MALRD1: variants seen among roughly 807,000 people sequenced by gnomAD.
The protein encoded by MALRD1 is MAM and LDL-receptor class A domain-containing protein 1.
A neutral mutation model predicts 242.1 loss-of-function variants in MALRD1; 247 were observed. The observed-to-expected ratio is 1.02, with a 90% CI of 0.92 to 1.13. The LOEUF is 1.13. MALRD1 is among the 50% of genes most tolerant of loss of function. The probability of loss-of-function intolerance (pLI) is 0.00; values close to 1 mark genes in which losing one functional copy is unlikely to be tolerated. For synonymous variants in MALRD1, 995 were observed against 866.6 expected (o/e 1.15, Z -2.60); for missense variants, 2,989 against 2,533.1 (o/e 1.18, Z -3.86).
chr10:19,291,227 C>T (rs1441077134), intron 21 of MALRD1, among the ~76,000 whole-genome samples: 1 of 152,118 alleles, frequency 6.6e-6, no homozygotes, highest in African/African-American at 2.4e-5. Flanking sequence ...GAAATGATGT[C>T]TGGTAGAATA....
intron 34 of MALRD1, among the ~76,000 whole-genome samples, chr10:19,597,858 A>G (rs1157073069): frequency 6.6e-6 from 1 of 152,234 alleles, no homozygotes; most frequent in African/African-American, 2.4e-5. Flanking sequence ...CAAACTTGGA[A>G]AGACAAATAG....
At position 19,467,492 on chromosome 10, in the gene MALRD1, T is replaced by C. The variant is rs151194604; in HGVS notation, c.5029+17002T>C. ...TTACCCATATTCTCTCATTTAACCT[T>C]AATTATCTCTTTAAATGCCTTGTTT... On this transcript the variant is annotated intron_variant, in intron 29 of 39. Transcript: ENST00000454679. Among the ~76,000 whole-genome samples the C allele has an allele frequency of 1.2e-4, 18 of 151,378 alleles. No homozygotes were observed. The East Asian group carries it at 3.5e-3, about 30-fold the overall frequency.
intron 19 of MALRD1, among the ~76,000 whole-genome samples, chr10:19,265,220 T>G (rs956632410): frequency 6.6e-6 from 1 of 152,010 alleles, no homozygotes; most frequent in Non-Finnish European, 1.5e-5. Context: ...ATTGTAATTA[T>G]TTTTGCTCTA....
chr10:19,159,096 C>G (rs1047318404), intron 12 of MALRD1, among the ~76,000 whole-genome samples: 1 of 152,096 alleles, frequency 6.6e-6, no homozygotes, highest in African/African-American at 2.4e-5. Context: ...ATCATTTAAA[C>G]CGGAAAAACA....
At chr10:19,565,052 C>G (rs1420592656) in intron 32 of MALRD1, among the ~76,000 whole-genome samples, 3 of 152,044 alleles carry the variant, frequency 2.0e-5, no homozygotes, top group Non-Finnish European at 2.9e-5. Context: ...TAACATGTTA[C>G]TAATGAAATA....
intron 36 of MALRD1, among the ~76,000 whole-genome samples, chr10:19,688,731 C>T (rs111721506): frequency 2.6e-5 from 4 of 152,308 alleles, no homozygotes; most frequent in African/African-American, 7.2e-5. Flanking sequence ...GGTGGAACTT[C>T]AACACACCGT....
At chr10:19,239,338 A>G (rs528204129) in intron 18 of MALRD1, among the ~76,000 whole-genome samples, 7 of 152,146 alleles carry the variant, frequency 4.6e-5, no homozygotes, top group Admixed American at 4.6e-4. Context: ...CCATTTTTAA[A>G]TAAGTTATTT....
intron 2 of MALRD1, among the ~76,000 whole-genome samples, chr10:19,069,568 G>T (rs1438576215): frequency 6.6e-6 from 1 of 151,860 alleles, no homozygotes; most frequent in Non-Finnish European, 1.5e-5. Flanking sequence ...ATTTCTTGTA[G>T]TGCAGTTCTG....
At chr10:19,216,684 G>A (rs895348090) in intron 18 of MALRD1, among the ~76,000 whole-genome samples, 10 of 150,832 alleles carry the variant, frequency 6.6e-5, no homozygotes, top group Non-Finnish European at 1.0e-4. Flanking sequence ...GGTGGCTCAC[G>A]CCTGTAATCC....
chr10:19,565,611 A>G (rs548400166), intron 32 of MALRD1, among the ~76,000 whole-genome samples: 27 of 152,290 alleles, frequency 1.8e-4, no homozygotes, highest in African/African-American at 6.3e-4. Flanking sequence ...TTTTTAAGAA[A>G]TGGAAAAGTA....
intron 12 of MALRD1, among the ~76,000 whole-genome samples, chr10:19,160,872 G>T (rs1834364067): frequency 1.5e-5 from 2 of 136,164 alleles, no homozygotes; most frequent in Admixed American, 7.6e-5. Flanking sequence ...TATTAGTCTT[G>T]CTAGCGGTCT....
intron 24 of MALRD1, among the ~76,000 whole-genome samples, chr10:19,345,221 T>C (rs982063146): frequency 1.2e-5 from 1 of 84,788 alleles, no homozygotes; most frequent in African/African-American, 5.5e-5. Context: ...AAAAATATGA[T>C]TTACATTATA....
chr10:19,515,776 G>C (rs1361559627), intron 31 of MALRD1, among the ~76,000 whole-genome samples: 1 of 151,980 alleles, frequency 6.6e-6, no homozygotes, highest in Non-Finnish European at 1.5e-5. Flanking sequence ...CACCATGTTA[G>C]CCAGGATGGT....
chr10:19,515,652 C>T lies in MALRD1; in HGVS notation c.5321-15542C>T, dbSNP rs543033457. 2.2e-3 allele frequency among the ~76,000 whole-genome samples: 341 copies of T among 152,140 alleles called. 4 individuals are homozygous for T. Among genetic ancestry groups the T allele is most frequent in the African/African-American group, 7.7e-3 (318 of 41,492 alleles). On this transcript the variant is annotated intron_variant, in intron 31 of 39. Transcript: ENST00000454679. ...TTAGCTCACTGCAAGCTCTGCCTCC[C>T]GGGTTCACGCCATTCTCCTGCCTCA...
chr10:19,136,775 A>G lies in MALRD1; in HGVS notation c.1405A>G (p.Thr469Ala), dbSNP rs10826986. The change falls in exon 10 of 40, where the codon ACT (threonine) becomes GCT (alanine). Residue 469 changes from threonine (T) to alanine (A), a missense_variant. Coordinates refer to ENST00000454679, the MANE Select transcript of MALRD1 (RefSeq NM_001142308.3). ...CGATGAGAGTGATGAAGACCCAGCA[A>G]CTTGCTGTAAGTGAGTGAATGGCTT... ...CSDESDEDPA[T>A]CSKHLTCDFE... The G allele has an allele frequency of 0.1, 128,626 of 1,231,184 alleles. 7,104 individuals carry two copies. The highest frequency in any genetic ancestry group is 0.11 in the Non-Finnish European group (109,895 of 987,560). The allele number at this position is 1,231,184 out of a possible 1,614,324, so 76.3% of individuals were successfully genotyped here. A position where few individuals can be genotyped will look rare whatever the true frequency, so the allele number is the denominator to read the frequency against.
At chr10:19,294,940 T>C (rs569651333) in intron 21 of MALRD1, among the ~76,000 whole-genome samples, 3 of 152,256 alleles carry the variant, frequency 2.0e-5, no homozygotes, top group South Asian at 2.1e-4. Context: ...TGCATTTATA[T>C]TGACCATACT....
At chr10:19,312,043 T>C (rs1462296572) in intron 21 of MALRD1, among the ~76,000 whole-genome samples, 2 of 151,376 alleles carry the variant, frequency 1.3e-5, no homozygotes, top group African/African-American at 4.8e-5. Context: ...ATAAAGGCAG[T>C]TGCTGATGAG....
intron 19 of MALRD1, among the ~76,000 whole-genome samples, chr10:19,266,702 A>G (rs749576766): frequency 5.3e-5 from 8 of 152,036 alleles, no homozygotes; most frequent in Non-Finnish European, 1.2e-4. Flanking sequence ...TGGATATGCA[A>G]TATGTAAATA....
chr10:19,624,022 T>C (rs575183381), intron 36 of MALRD1, among the ~76,000 whole-genome samples: 1 of 152,276 alleles, frequency 6.6e-6, no homozygotes, highest in South Asian at 2.1e-4. Context: ...CAACATATTC[T>C]GATAGGAAAG....
Sources: gnomAD v4.1 joint callset for allele counts (sites outside exome capture counted in the v4.1 genomes callset) on GRCh38, gnomAD v4.1.1 for gene constraint, MANE v1.5 for transcripts, NCBI Gene and HGNC (gene_info 2026-07-23, HGNC 2026-07-21) for gene names.